The following TMEFF2 variants were observed in gnomAD, a reference collection of about 807,000 sequenced individuals.
The protein encoded by TMEFF2 is transmembrane protein with EGF like and two follistatin like domains 2.
In TMEFF2, 28 loss-of-function variants were observed where a neutral mutation model predicts 53.8. The ratio of observed to expected loss-of-function variants is 0.52; its 90% CI spans 0.39 to 0.71. The LOEUF is 0.71. Among genes scored for constraint, TMEFF2 ranks in the 30% least tolerant of loss-of-function variants. The pLI is 0.00. For missense variants in TMEFF2, 353 were observed against 455.2 expected, an observed-to-expected ratio of 0.78 and a Z score of 2.04; for synonymous variants, 162 against 166.3, an observed-to-expected ratio of 0.97 and a Z score of 0.20.
At chr2:192,168,018 T>G (rs4853492) in intron 4 of TMEFF2, among the ~76,000 whole-genome samples, 104,932 of 151,880 alleles carry the variant, frequency 0.69, 36,338 homozygotes, top group African/African-American at 0.72. Flanking sequence ...CGTTGTTGGT[T>G]GAGTCTTTAC....
intron 7 of TMEFF2, among the ~76,000 whole-genome samples, chr2:191,992,038 G>A (rs1686121677): frequency 1.3e-5 from 2 of 152,140 alleles, no homozygotes; most frequent in South Asian, 4.2e-4. Context: ...TCCCAGAGGG[G>A]AAAATACTTG....
In TMEFF2 at chr2:191,980,484, A is replaced by G. The variant is rs139378314; in HGVS notation, c.745+17778T>C. Reference sequence around the variant, plus strand: ...CATTATTCATCTGGCATTAAAGAAAAACATGAAGCAAGAAGAAAGGAAGAA... The same window carrying G: ...CATTATTCATCTGGCATTAAAGAAAGACATGAAGCAAGAAGAAAGGAAGAA... On this transcript the variant is annotated intron_variant, in intron 7 of 9. Coordinates refer to ENST00000272771, the MANE Select transcript of TMEFF2 (RefSeq NM_016192.4). Among the ~76,000 whole-genome samples, 184 of 152,312 alleles carry G rather than the reference A, an allele frequency of 1.2e-3. 6 individuals are homozygous for G. Among genetic ancestry groups the G allele is most frequent in the East Asian group, 0.011 (58 of 5,188 alleles).
intron 3 of TMEFF2, among the ~76,000 whole-genome samples, chr2:192,183,116 A>G (rs2106038594): frequency 6.6e-6 from 1 of 152,152 alleles, no homozygotes; most frequent in Non-Finnish European, 1.5e-5. Flanking sequence ...CATGAAGAAC[A>G]TTCACATCTG....
At chr2:191,990,763 GGTGTGT>G (rs34545329) in intron 7 of TMEFF2, among the ~76,000 whole-genome samples, 16 of 134,702 alleles carry the variant, frequency 1.2e-4, no homozygotes, top group South Asian at 5.0e-4. Flanking sequence ...CTCTTTGCGG[GGTGTGT>G]GTGTGTGTGT....
chr2:192,019,761 T>C (rs1686821443), intron 5 of TMEFF2, among the ~76,000 whole-genome samples: 2 of 151,986 alleles, frequency 1.3e-5, no homozygotes, highest in Non-Finnish European at 2.9e-5. Context: ...GGTGATTCAA[T>C]AGGACAGGCG....
At chr2:192,008,032 G>A (rs1364758359) in intron 5 of TMEFF2, among the ~76,000 whole-genome samples, 1 of 152,192 alleles carries the variant, frequency 6.6e-6, no homozygotes, top group African/African-American at 2.4e-5. Context: ...GCAGCTGTGT[G>A]TGTGACTCAG....
At chr2:191,968,187 A>G (rs10195056) in intron 7 of TMEFF2, among the ~76,000 whole-genome samples, 2,712 of 152,346 alleles carry the variant, frequency 0.018, 77 homozygotes, top group African/African-American at 0.062. Context: ...ACAGCTGAGA[A>G]AAGGTGCAGA....
chr2:191,956,940 CCA>C (rs1692119621), intron 7 of TMEFF2, among the ~76,000 whole-genome samples: 2 of 152,146 alleles, frequency 1.3e-5, no homozygotes, highest in South Asian at 4.2e-4. Flanking sequence ...TTTTTTGTTG[CCA>C]CAATAAACCT....
chr2:192,070,597 A>T (rs1198748308), intron 4 of TMEFF2, among the ~76,000 whole-genome samples: 1 of 151,778 alleles, frequency 6.6e-6, no homozygotes, highest in East Asian at 1.9e-4. Flanking sequence ...GCCTCTTGGC[A>T]TGTTTCTTAT....
chr2:192,171,140 T>C (rs929459392), intron 4 of TMEFF2, among the ~76,000 whole-genome samples: 5 of 152,052 alleles, frequency 3.3e-5, no homozygotes, highest in African/African-American at 1.2e-4. Flanking sequence ...AGAAGAAGGA[T>C]ATCTTAAATA....
intron 5 of TMEFF2, among the ~76,000 whole-genome samples, chr2:192,043,102 A>G (rs1311819812): frequency 3.3e-5 from 5 of 152,238 alleles, no homozygotes; most frequent in Non-Finnish European, 7.3e-5. Flanking sequence ...AGCAGCAATC[A>G]GAATAGCCAG....
intron 7 of TMEFF2, among the ~76,000 whole-genome samples, chr2:191,996,855 A>G (rs569753899): frequency 2.8e-4 from 43 of 152,058 alleles, no homozygotes; most frequent in Non-Finnish European, 1.8e-4. Context: ...GGGTGAGGAC[A>G]GGGCTGGGTT....
At position 192,011,083 on chromosome 2, in the gene TMEFF2, T is replaced by C. The variant is rs190611107; in HGVS notation, c.537-11875A>G. ...ATTCATGGGTCTATGTATTTTTCAC[T>C]AAACTGTGTGAAGAAAACGGGTTGG... On this transcript the variant is annotated intron_variant, in intron 5 of 9. Transcript: ENST00000272771. 9.8e-4 allele frequency among the ~76,000 whole-genome samples: 150 copies of C among 152,336 alleles called. 2 individuals are homozygous for C. Among genetic ancestry groups the C allele is most frequent in the South Asian group, 5.0e-3 (24 of 4,832 alleles).
intron 4 of TMEFF2, among the ~76,000 whole-genome samples, chr2:192,070,188 A>T (rs2105915143): frequency 6.6e-6 from 1 of 151,706 alleles, no homozygotes; most frequent in East Asian, 1.9e-4. Context: ...ATTTTCAGGT[A>T]TAAACTATGA....
intron 4 of TMEFF2, among the ~76,000 whole-genome samples, chr2:192,092,223 C>A (rs1224114156): frequency 6.6e-6 from 1 of 152,098 alleles, no homozygotes; most frequent in Non-Finnish European, 1.5e-5. Context: ...AAAGTTTTCA[C>A]AATAAAGTTT....
intron 4 of TMEFF2, among the ~76,000 whole-genome samples, chr2:192,135,496 T>C (rs1198338569): frequency 6.6e-6 from 1 of 152,060 alleles, no homozygotes; most frequent in Non-Finnish European, 1.5e-5. Context: ...ACCACCCCTT[T>C]CCACAAAATC....
chr2:191,978,993 A>G (rs570154235), intron 7 of TMEFF2, among the ~76,000 whole-genome samples: 4 of 152,304 alleles, frequency 2.6e-5, no homozygotes, highest in South Asian at 2.1e-4. Flanking sequence ...TGTAGGAAAA[A>G]TATAGTTTAA....
chr2:192,028,062 G>T (rs893319465), intron 5 of TMEFF2: 3 of 146,106 alleles, frequency 2.1e-5, no homozygotes, highest in African/African-American at 5.0e-5. Flanking sequence ...AATTATGGGG[G>T]GGGGGGGGGT....
At chr2:192,148,793 C>CT (rs1209628276) in intron 4 of TMEFF2, among the ~76,000 whole-genome samples, 9 of 152,020 alleles carry the variant, frequency 5.9e-5, no homozygotes, top group Admixed American at 2.0e-4. Flanking sequence ...TTTGTCTAGA[C>CT]TTTATTTACG....
Sources: allele counts gnomAD v4.1 joint callset (sites outside exome capture counted in the v4.1 genomes callset), GRCh38; gene constraint gnomAD v4.1.1; transcripts MANE v1.5; gene names NCBI Gene and HGNC (gene_info 2026-07-23, HGNC 2026-07-21).